The following CCDC191 variants were observed in gnomAD, a reference collection of about 807,000 sequenced individuals.
CCDC191 encodes the protein coiled-coil domain containing 191, also known as coiled-coil domain-containing protein 191.
In CCDC191, 99 loss-of-function variants were observed where a neutral mutation model predicts 114.0. The ratio of observed to expected loss-of-function variants is 0.87; its 90% confidence interval spans 0.74 to 1.03. The LOEUF (loss-of-function observed/expected upper bound fraction) is 1.03. Ranked by LOEUF, CCDC191 falls within the 50% of genes least tolerant of loss-of-function variation. The pLI is 0.00. For missense variants in CCDC191, 973 were observed against 1,087.0 expected, an observed-to-expected ratio of 0.90 and a Z score of 1.47; for synonymous variants, 351 against 376.0, an observed-to-expected ratio of 0.93 and a Z score of 0.77.
At chr3:113,966,034 G>C (rs1380783209) in intron 16 of CCDC191, among the ~76,000 whole-genome samples, 1 of 152,116 alleles carries the variant, frequency 6.6e-6, no homozygotes, top group Non-Finnish European at 1.5e-5. Context: ...TTGTACCCAT[G>C]CCAGGACCAG....
At chr3:113,980,342 C>T (rs1321729634) in intron 14 of CCDC191, among the ~76,000 whole-genome samples, 1 of 152,150 alleles carries the variant, frequency 6.6e-6, no homozygotes, top group African/African-American at 2.4e-5. Context: ...AGAAACCTGA[C>T]TAATGTACCT....
At chr3:114,054,506 G>C (rs1052496767) in intron 1 of CCDC191, among the ~76,000 whole-genome samples, 2 of 152,100 alleles carry the variant, frequency 1.3e-5, no homozygotes, top group Admixed American at 1.3e-4. Context: ...GCGTGGTGGC[G>C]GGTGCCTGTA....
chr3:113,992,862 T>G (rs1350512424), intron 13 of CCDC191, among the ~76,000 whole-genome samples: 3 of 152,072 alleles, frequency 2.0e-5, no homozygotes, highest in African/African-American at 7.2e-5. Flanking sequence ...ACAAAAAAAA[T>G]TATAGGCCAA....
intron 9 of CCDC191, among the ~76,000 whole-genome samples, chr3:114,008,068 C>CTA (rs1188862106): frequency 2.8e-5 from 4 of 145,258 alleles, no homozygotes; most frequent in African/African-American, 1.0e-4. Flanking sequence ...ATATAAATTA[C>CTA]TATATATATT....
chr3:113,999,173 C>G (rs2075801004), intron 13 of CCDC191, among the ~76,000 whole-genome samples: 1 of 152,150 alleles, frequency 6.6e-6, no homozygotes, highest in Admixed American at 6.5e-5. Flanking sequence ...GAGAATGGTA[C>G]ACTATTACCC....
intron 13 of CCDC191, among the ~76,000 whole-genome samples, chr3:113,993,748 G>A (rs542680092): frequency 4.6e-5 from 7 of 152,190 alleles, no homozygotes; most frequent in Admixed American, 3.3e-4. Context: ...AGCTGGGCAT[G>A]GTGGTGTGTG....
At chr3:114,009,474 TAAA>T (rs2076030755) in intron 9 of CCDC191, among the ~76,000 whole-genome samples, 2 of 152,232 alleles carry the variant, frequency 1.3e-5, no homozygotes, top group Non-Finnish European at 2.9e-5. Context: ...ACATTTTTGT[TAAA>T]AACTAAGATA....
chr3:114,047,479 T>C lies in CCDC191; in HGVS notation c.130-747A>G, dbSNP rs1475843829. On this transcript the variant is annotated intron_variant, in intron 2 of 16. Transcript: ENST00000295878. ...GAGTTTGAGACCAGCCTGGGGCACT[T>C]AGTGAGACTCCAACTCTAGTTAAAA... 2.0e-5 allele frequency among the ~76,000 whole-genome samples: 3 copies of C among 151,928 alleles called. No individual in the cohort carries two copies. In the East Asian group the frequency reaches 5.8e-4, roughly 29 times the overall value.
chr3:114,003,301 T>G, intron 11 of CCDC191: 1 of 985,436 alleles, frequency 1.0e-6, no homozygotes, highest in Non-Finnish European at 1.2e-6. Flanking sequence ...AGCCAATAGT[T>G]ACTTTCAGTT....
intron 1 of CCDC191, chr3:114,054,076 C>T (rs558455397): frequency 2.0e-5 from 3 of 152,742 alleles, no homozygotes; most frequent in African/African-American, 7.2e-5. Flanking sequence ...TCATAAGTAG[C>T]CTGTAGCAAG....
chr3:114,008,319 G>T (rs1391005645), intron 9 of CCDC191, among the ~76,000 whole-genome samples: 1 of 151,618 alleles, frequency 6.6e-6, no homozygotes, highest in African/African-American at 2.4e-5. Context: ...TTGCCTAGGG[G>T]AAGGGACCAA....
rs1270633561 is a variant in CCDC191 at position 114,004,486 on chromosome 3, C to T, written c.1978+151G>A. ...TAGTGGGGCTCTCTGGTGTACTCCA[C>T]TCCTCACATGTCTACCATTCTGAGA... On this transcript the variant is annotated intron_variant, in intron 11 of 16. Transcript: ENST00000295878. 4 of 1,394,818 alleles carry T rather than the reference C, an allele frequency of 2.9e-6. No homozygotes were observed. In the Admixed American group the frequency reaches 8.4e-5, roughly 29 times the overall value. The allele number at this position is 1,394,818 out of a possible 1,614,324, so 86.4% of individuals were successfully genotyped here. A position where few individuals can be genotyped will look rare whatever the true frequency, so the allele number is the denominator to read the frequency against.
intron 16 of CCDC191, among the ~76,000 whole-genome samples, chr3:113,967,790 C>G (rs1424818152): frequency 2.0e-5 from 3 of 152,126 alleles, no homozygotes; most frequent in Non-Finnish European, 4.4e-5. Flanking sequence ...CATCCACCTC[C>G]CAACCTCTAC....
chr3:114,025,730 A>G (rs1474544736), intron 7 of CCDC191, among the ~76,000 whole-genome samples: 3 of 152,124 alleles, frequency 2.0e-5, no homozygotes, highest in African/African-American at 4.8e-5. Flanking sequence ...ACGGCTCCCT[A>G]TCACCTTCTC....
intron 8 of CCDC191, among the ~76,000 whole-genome samples, chr3:114,014,022 C>T (rs887928672): frequency 3.9e-5 from 6 of 152,028 alleles, no homozygotes; most frequent in African/African-American, 1.2e-4. Flanking sequence ...AAGGTAATAC[C>T]CACTGTCTTA....
chr3:113,986,242 G>A (rs1402406612), intron 13 of CCDC191, among the ~76,000 whole-genome samples: 4 of 152,162 alleles, frequency 2.6e-5, no homozygotes, highest in African/African-American at 9.7e-5. Flanking sequence ...GAAAGAACCA[G>A]CTAACCTGAC....
intron 7 of CCDC191, among the ~76,000 whole-genome samples, chr3:114,029,994 C>T (rs2107722880): frequency 6.6e-6 from 1 of 152,202 alleles, no homozygotes; most frequent in East Asian, 1.9e-4. Context: ...AGTGGAAAAA[C>T]TGGTGATATT....
At chr3:114,013,059 C>G (rs1399018381) in intron 8 of CCDC191, among the ~76,000 whole-genome samples, 1 of 151,732 alleles carries the variant, frequency 6.6e-6, no homozygotes, top group African/African-American at 2.4e-5. Context: ...AGACTTGGGC[C>G]ACATAGTGAA....
intron 13 of CCDC191, among the ~76,000 whole-genome samples, chr3:113,996,738 G>A (rs181625206): frequency 2.0e-5 from 3 of 152,190 alleles, no homozygotes; most frequent in East Asian, 3.9e-4. Context: ...GGATGAAGCT[G>A]GAAGCCATCA....
Sources: gnomAD v4.1 joint callset for allele counts (sites outside exome capture counted in the v4.1 genomes callset) on GRCh38, gnomAD v4.1.1 for gene constraint, MANE v1.5 for transcripts, NCBI Gene and HGNC (gene_info 2026-07-23, HGNC 2026-07-21) for gene names.